RALGAPA2: variants seen among roughly 807,000 people sequenced by gnomAD.
RALGAPA2 encodes the protein Ral GTPase activating protein catalytic subunit alpha 2.
A neutral mutation model predicts 230.4 loss-of-function variants in RALGAPA2; 139 were observed. The ratio of observed to expected loss-of-function variants is 0.60; its 90% CI spans 0.53 to 0.69. RALGAPA2 has a LOEUF of 0.69. Ranked by LOEUF, RALGAPA2 falls within the 30% of genes least tolerant of loss-of-function variation. The pLI, the probability that RALGAPA2 is intolerant of heterozygous loss-of-function variation, is 0.00. For synonymous variants in RALGAPA2, 847 were observed against 837.8 expected (o/e 1.01, Z -0.19); for missense variants, 2,163 against 2,276.0 (o/e 0.95, Z 1.01).
At chr20:20,708,006 T>C (rs988911218) in intron 1 of RALGAPA2, among the ~76,000 whole-genome samples, 2 of 152,184 alleles carry the variant, frequency 1.3e-5, no homozygotes, top group South Asian at 4.1e-4. Flanking sequence ...ACTAGTGACA[T>C]ATGGCTAATG....
chr20:20,706,612 A>C (rs2069618271), intron 1 of RALGAPA2, among the ~76,000 whole-genome samples: 1 of 152,196 alleles, frequency 6.6e-6, no homozygotes, highest in Non-Finnish European at 1.5e-5. Context: ...GATAATCCCA[A>C]GTCTCCCTAG....
At chr20:20,563,906 T>C (rs1244420204) in intron 23 of RALGAPA2, among the ~76,000 whole-genome samples, 2 of 149,818 alleles carry the variant, frequency 1.3e-5, no homozygotes, top group Non-Finnish European at 3.0e-5. Context: ...ATTATACACA[T>C]AGACACACAC....
At chr20:20,589,423 A>T (rs961745477) in intron 17 of RALGAPA2, 58 bp from the exon 18 acceptor site, 1 of 1,487,604 alleles carries the variant, frequency 6.7e-7, no homozygotes, top group African/African-American at 1.4e-5. Context: ...AGATAGTAAA[A>T]CCGGAAAATG....
chr20:20,551,935 T>C (rs758229479), intron 23 of RALGAPA2, among the ~76,000 whole-genome samples: 1 of 152,192 alleles, frequency 6.6e-6, no homozygotes, highest in East Asian at 1.9e-4. Context: ...TGCACAGCTA[T>C]AATTTAGTGC....
At chr20:20,546,938 C>CA (rs2063789465) in intron 23 of RALGAPA2, 106 bp from the exon 24 acceptor site, 1 of 1,171,140 alleles carries the variant, frequency 8.5e-7, no homozygotes, top group African/African-American at 1.6e-5. Flanking sequence ...TCCAAGAGAG[C>CA]ACAGATTACA....
intron 17 of RALGAPA2, 77 bp from the exon 18 acceptor site, chr20:20,589,442 T>C: frequency 7.4e-7 from 1 of 1,358,316 alleles, no homozygotes; most frequent in Non-Finnish European, 1.0e-6. Flanking sequence ...TGATTTTATA[T>C]ATAGGTAACT....
At chr20:20,459,282 A>C (rs1045205001) in intron 37 of RALGAPA2, among the ~76,000 whole-genome samples, 1 of 152,124 alleles carries the variant, frequency 6.6e-6, no homozygotes, top group Non-Finnish European at 1.5e-5. Context: ...TCAGATTACT[A>C]TTTCCTCTTT....
intron 27 of RALGAPA2, 134 bp downstream of exon 27, chr20:20,531,553 T>G (rs1240004747): frequency 1.2e-6 from 1 of 808,622 alleles, no homozygotes; most frequent in African/African-American, 1.7e-5. Context: ...CCCGGGAGCC[T>G]CACAGCACAT....
At chr20:20,666,357 A>G (rs374997508) in intron 3 of RALGAPA2, among the ~76,000 whole-genome samples, 1 of 152,264 alleles carries the variant, frequency 6.6e-6, no homozygotes, top group African/African-American at 2.4e-5. Context: ...TTAAAAGAAA[A>G]CAAAATCTAC....
chr20:20,579,776 C>G (rs2064930968), intron 20 of RALGAPA2, among the ~76,000 whole-genome samples: 1 of 152,138 alleles, frequency 6.6e-6, no homozygotes, highest in Non-Finnish European at 1.5e-5. Flanking sequence ...TCATTTTTTT[C>G]CATATGGCTA....
chr20:20,536,893 C>A, intron 24 of RALGAPA2, 109 bp from the exon 25 acceptor site: 2 of 1,260,250 alleles, frequency 1.6e-6, no homozygotes, highest in Non-Finnish European at 2.1e-6. Context: ...CAAACTTGGC[C>A]GAGTTATTCT....
At chr20:20,540,843 A>C (rs2063623479) in intron 24 of RALGAPA2, among the ~76,000 whole-genome samples, 1 of 152,032 alleles carries the variant, frequency 6.6e-6, no homozygotes, top group South Asian at 2.1e-4. Context: ...TTTAATATAC[A>C]TATTGATCCT....
At chr20:20,517,017 GTCGTGGAGAAGGGGTCCTTGT>G (rs1268290061) in intron 31 of RALGAPA2, among the ~76,000 whole-genome samples, 1 of 152,150 alleles carries the variant, frequency 6.6e-6, no homozygotes, top group Non-Finnish European at 1.5e-5. Context: ...CTTGTGAAGG[GTCGTGGAGAAGGGGTCCTTGT>G]TCTCCACCTT....
At chr20:20,618,027 T>A (rs6137080) in intron 12 of RALGAPA2, among the ~76,000 whole-genome samples, 11,051 of 152,124 alleles carry the variant, frequency 0.073, 521 homozygotes, top group East Asian at 0.16. Flanking sequence ...TATAAAAAAA[T>A]TTTTTTTCTC....
chr20:20,572,412 C>T (rs1432195530), intron 21 of RALGAPA2, among the ~76,000 whole-genome samples: 3 of 146,844 alleles, frequency 2.0e-5, no homozygotes, highest in African/African-American at 5.0e-5. Flanking sequence ...CACTGCACTC[C>T]AGCCTGGGCG....
Position 20,513,245 on chromosome 20 carries a change from G to C in RALGAPA2, c.4124C>G (p.Ala1375Gly). The change falls in exon 32 of 40, where the codon GCT becomes GGT. Residue 1375 changes from alanine (A) to glycine (G), a missense_variant. Ala to Gly is a moderately conservative substitution (Grantham distance 60, BLOSUM62 0). Transcript: ENST00000202677. ...RRSLELIPLT[A>G]RMVMAHLVNH... ...CACCAGGTGGGCCATCACCATTCGA[G>C]CAGTCAAAGGGATCAACTCCAAACT... 3.3e-6 allele frequency: 5 copies of C among 1,502,190 alleles called. No homozygotes were observed. The highest frequency in any genetic ancestry group is 4.4e-6 in the Non-Finnish European group (5 of 1,127,258). 93.1% of individuals were successfully genotyped at this position (1,502,190 alleles called of 1,614,324 possible). A position where few individuals can be genotyped will look rare whatever the true frequency, so the allele number is the denominator to read the frequency against.
intron 37 of RALGAPA2, among the ~76,000 whole-genome samples, chr20:20,416,342 T>C (rs754431979): frequency 2.0e-5 from 3 of 152,158 alleles, no homozygotes; most frequent in Non-Finnish European, 2.9e-5. Context: ...TACACCCTCA[T>C]GAGCAGGGAA....
intron 37 of RALGAPA2, among the ~76,000 whole-genome samples, chr20:20,451,959 G>A (rs969422789): frequency 2.0e-5 from 3 of 152,150 alleles, no homozygotes; most frequent in Non-Finnish European, 4.4e-5. Flanking sequence ...CTCCACACCT[G>A]AATTGATAAG....
At chr20:20,613,777 G>T (rs554659747) in intron 13 of RALGAPA2, among the ~76,000 whole-genome samples, 1 of 152,090 alleles carries the variant, frequency 6.6e-6, no homozygotes, top group East Asian at 1.9e-4. Flanking sequence ...CCTCCCCAAG[G>T]CTCCCCCTTC....
Sources: gnomAD v4.1 joint callset for allele counts (sites outside exome capture counted in the v4.1 genomes callset) on GRCh38, gnomAD v4.1.1 for gene constraint, MANE v1.5 for transcripts, NCBI Gene and HGNC (gene_info 2026-07-23, HGNC 2026-07-21) for gene names.